MAML2: variants seen among roughly 807,000 people sequenced by gnomAD.
MAML2 encodes mastermind-like protein 2.
Under a neutral mutation model 96.1 loss-of-function variants are expected in MAML2, and 22 were observed. That is an observed-to-expected ratio of 0.23 (90% CI 0.16 to 0.33). The LOEUF (loss-of-function observed/expected upper bound fraction) is 0.33. Among genes scored for constraint, MAML2 ranks in the 10% least tolerant of loss-of-function variants. The pLI is 1.00. For missense variants in MAML2, 1,367 were observed against 1,392.4 expected (o/e 0.98, Z 0.29); for synonymous variants, 561 against 521.3 (o/e 1.08, Z -1.04).
At chr11:96,101,575 C>T (rs1859931613) in intron 1 of MAML2, among the ~76,000 whole-genome samples, 1 of 152,230 alleles carries the variant, frequency 6.6e-6, no homozygotes, top group Non-Finnish European at 1.5e-5. Flanking sequence ...AAACTAGTCA[C>T]TTACCTTACC....
intron 1 of MAML2, among the ~76,000 whole-genome samples, chr11:96,307,202 A>G (rs1863475861): frequency 6.6e-6 from 1 of 152,184 alleles, no homozygotes; most frequent in Admixed American, 6.5e-5. Flanking sequence ...TCCTTTTCTA[A>G]CAGCAAAGGA....
chr11:96,018,168 G>C (rs1858384449), intron 2 of MAML2, among the ~76,000 whole-genome samples: 1 of 152,166 alleles, frequency 6.6e-6, no homozygotes, highest in South Asian at 2.1e-4. Flanking sequence ...GGGAAGTATA[G>C]AGTTATCATT....
At chr11:96,181,303 G>GCA (rs1861480734) in intron 1 of MAML2, among the ~76,000 whole-genome samples, 4 of 152,072 alleles carry the variant, frequency 2.6e-5, no homozygotes, top group African/African-American at 9.7e-5. Context: ...TTAAATACTG[G>GCA]TGACCCTATA....
intron 1 of MAML2, among the ~76,000 whole-genome samples, chr11:96,337,882 G>C (rs996499423): frequency 6.6e-6 from 1 of 152,180 alleles, no homozygotes; most frequent in African/African-American, 2.4e-5. Flanking sequence ...ACAAGCTGGG[G>C]CAGCATGATT....
intron 2 of MAML2, among the ~76,000 whole-genome samples, chr11:96,004,781 A>G (rs1858150830): frequency 6.6e-6 from 1 of 152,218 alleles, no homozygotes; most frequent in Admixed American, 6.5e-5. Context: ...TGGCTTGAAT[A>G]AGATCATGTA....
Position 96,069,203 on chromosome 11 carries a change from C to T in MAML2, c.2139+22689G>A, listed in dbSNP as rs188812430. On this transcript the variant is annotated intron_variant, in intron 2 of 4. Coordinates refer to ENST00000524717, the MANE Select transcript of MAML2 (RefSeq NM_032427.4). ...ATGGTCTCCCAAAGTGTTGGCATTACAAGGGTGAGCCACTGAGTCTGGCCT... is the reference window on the plus strand; with the variant it reads ...ATGGTCTCCCAAAGTGTTGGCATTATAAGGGTGAGCCACTGAGTCTGGCCT... Among the ~76,000 whole-genome samples, 234 of 152,210 alleles carry T rather than the reference C, an allele frequency of 1.5e-3. 1 individual carries two copies. The highest frequency in any genetic ancestry group is 5.6e-3 in the African/African-American group (231 of 41,536).
intron 1 of MAML2, among the ~76,000 whole-genome samples, chr11:96,267,696 C>T (rs1490249229): frequency 6.6e-6 from 1 of 152,162 alleles, no homozygotes; most frequent in Non-Finnish European, 1.5e-5. Context: ...TTCTGACCTC[C>T]CTACAGGGGC....
intron 1 of MAML2, among the ~76,000 whole-genome samples, chr11:96,329,065 T>G (rs1863821404): frequency 6.6e-6 from 1 of 152,144 alleles, no homozygotes; most frequent in Non-Finnish European, 1.5e-5. Context: ...AGTAAGAGGC[T>G]CTACAGAATA....
At chr11:96,240,624 T>C (rs2135960438) in intron 1 of MAML2, among the ~76,000 whole-genome samples, 1 of 150,082 alleles carries the variant, frequency 6.7e-6, no homozygotes, top group East Asian at 2.0e-4. Flanking sequence ...ATATATTTAG[T>C]GGGCTTATTA....
chr11:95,984,710 C>G (rs1389506143), intron 4 of MAML2, among the ~76,000 whole-genome samples: 2 of 152,164 alleles, frequency 1.3e-5, no homozygotes, highest in East Asian at 3.9e-4. Flanking sequence ...TAGGGGTGTT[C>G]ACAGCCTTTC....
At chr11:96,265,229 CT>C (rs1174496877) in intron 1 of MAML2, among the ~76,000 whole-genome samples, 1 of 152,158 alleles carries the variant, frequency 6.6e-6, no homozygotes, top group East Asian at 1.9e-4. Context: ...AGAAAAGTGG[CT>C]GGCTTTAGCG....
chr11:96,103,095 C>T (rs1859961440), intron 1 of MAML2, among the ~76,000 whole-genome samples: 1 of 152,164 alleles, frequency 6.6e-6, no homozygotes, highest in African/African-American at 2.4e-5. Context: ...CCTACTTTCC[C>T]TCATATTTTT....
At chr11:96,213,247 C>A (rs902109448) in intron 1 of MAML2, among the ~76,000 whole-genome samples, 1 of 152,160 alleles carries the variant, frequency 6.6e-6, no homozygotes, top group Non-Finnish European at 1.5e-5. Context: ...AGCATTCTTC[C>A]TATTTTAAAA....
chr11:96,010,346 G>A (rs936758077), intron 2 of MAML2, among the ~76,000 whole-genome samples: 7 of 152,172 alleles, frequency 4.6e-5, no homozygotes, highest in African/African-American at 7.2e-5. Flanking sequence ...AAGATTTAGA[G>A]CAAATCTACT....
At chr11:96,315,644 C>T (rs1036707907) in intron 1 of MAML2, among the ~76,000 whole-genome samples, 1 of 152,136 alleles carries the variant, frequency 6.6e-6, no homozygotes, top group African/African-American at 2.4e-5. Flanking sequence ...TTCACTCACC[C>T]ACTCTGACAG....
Position 96,092,906 on chromosome 11 carries a change from G to T in MAML2, c.1125C>A (p.Gly375=), listed in dbSNP as rs1565212296. Residue 375 remains glycine (G), a synonymous_variant, in exon 2 of 5, where the codon GGC becomes GGA. Coordinates refer to ENST00000524717, the MANE Select transcript of MAML2 (RefSeq NM_032427.4). The surrounding 1 kb of genome is among the most constrained non-coding windows in gnomAD (Gnocchi z 4.1). ...KSEYSPGLTQ[G]PSGSPQLRPP... ...GCCTCAGCTGAGGAGAGCCTGAGGGGCCCTGAGTCAAGCCCGGTGAGTATT... is the reference window on the plus strand; with the variant it reads ...GCCTCAGCTGAGGAGAGCCTGAGGGTCCCTGAGTCAAGCCCGGTGAGTATT... 1 of 1,605,442 alleles carries T rather than the reference G, an allele frequency of 6.2e-7. No homozygotes were observed.
At chr11:96,148,108 T>G (rs1262033909) in intron 1 of MAML2, among the ~76,000 whole-genome samples, 1 of 152,244 alleles carries the variant, frequency 6.6e-6, no homozygotes, top group Non-Finnish European at 1.5e-5. Flanking sequence ...ACACCTCATC[T>G]GTCACGTCGG....
intron 1 of MAML2, among the ~76,000 whole-genome samples, chr11:96,281,670 G>T (rs1213000736): frequency 6.6e-6 from 1 of 152,010 alleles, no homozygotes; most frequent in Non-Finnish European, 1.5e-5. Context: ...AAGACTTACT[G>T]ATCAGTATGG....
At chr11:96,008,864 T>C (rs939168161) in intron 2 of MAML2, among the ~76,000 whole-genome samples, 9 of 152,214 alleles carry the variant, frequency 5.9e-5, no homozygotes, top group African/African-American at 2.2e-4. Flanking sequence ...ATTTCCTTGA[T>C]AGATTTTTGG....
Sources: allele counts gnomAD v4.1 joint callset (sites outside exome capture counted in the v4.1 genomes callset), GRCh38; gene constraint gnomAD v4.1.1; non-coding constraint Gnocchi (gnomAD v3.1); transcripts MANE v1.5; gene names NCBI Gene and HGNC (gene_info 2026-07-23, HGNC 2026-07-21).